Variants in PXDNL observed in about 807,000 individuals in gnomAD.
PXDNL encodes probable oxidoreductase PXDNL.
Under a neutral mutation model 150.8 loss-of-function variants are expected in PXDNL, and 145 were observed. The ratio of observed to expected loss-of-function variants is 0.96; its 90% CI spans 0.84 to 1.10. The LOEUF is 1.10. Among genes scored for constraint, PXDNL ranks in the 50% least tolerant of loss-of-function variants. The pLI, the probability that PXDNL is intolerant of heterozygous loss-of-function variation, is 0.00. For missense variants in PXDNL, 2,087 were observed against 1,873.9 expected, an observed-to-expected ratio of 1.11 and a Z score of -2.10; for synonymous variants, 757 against 725.7, an observed-to-expected ratio of 1.04 and a Z score of -0.69.
chr8:51,356,862 T>C (rs2130737227), intron 19 of PXDNL, among the ~76,000 whole-genome samples: 1 of 152,330 alleles, frequency 6.6e-6, no homozygotes. Context: ...TGGTTCCTTA[T>C]CTTTTCTTAA....
At chr8:51,438,594 A>C (rs1809464701) in intron 12 of PXDNL, among the ~76,000 whole-genome samples, 1 of 152,202 alleles carries the variant, frequency 6.6e-6, no homozygotes, top group South Asian at 2.1e-4. Context: ...GGGTGCCTAT[A>C]GTCCCAGCTA....
chr8:51,426,215 A>C (rs760341108), intron 13 of PXDNL, among the ~76,000 whole-genome samples: 1 of 152,204 alleles, frequency 6.6e-6, no homozygotes, highest in Non-Finnish European at 1.5e-5. Context: ...TCAGGTTTTG[A>C]AACTTCAGAA....
chr8:51,809,306 GAGAA>G lies in PXDNL; in HGVS notation c.35_38del (p.Phe12SerfsTer28), dbSNP rs1563327660. The G allele has an allele frequency of 1.9e-6, 3 of 1,575,202 alleles. No individual in the cohort carries two copies. Among genetic ancestry groups the G allele is most frequent in the Non-Finnish European group, 2.6e-6 (3 of 1,160,464 alleles). On this transcript the variant is annotated frameshift_variant, in exon 1 of 23. Transcript: ENST00000356297. LOFTEE classifies it high-confidence loss of function. ...ACCCTGGCAGGCACCACCCGGCCAG[GAGAA>G]AGAGAGTGGTCCAGCAGAACAGTCT...
At chr8:51,348,216 G>C (rs1008205537) in intron 19 of PXDNL, among the ~76,000 whole-genome samples, 1 of 152,136 alleles carries the variant, frequency 6.6e-6, no homozygotes, top group Non-Finnish European at 1.5e-5. Flanking sequence ...AGGCTCTGCA[G>C]ATAAACTCTC....
chr8:51,508,718 G>A (rs762231352), intron 4 of PXDNL, among the ~76,000 whole-genome samples: 64 of 152,054 alleles, frequency 4.2e-4, no homozygotes, highest in Admixed American at 1.5e-3. Flanking sequence ...AGCCCTCACC[G>A]CCGCCTTACA....
At chr8:51,516,334 C>T (rs1174057929) in intron 4 of PXDNL, among the ~76,000 whole-genome samples, 1 of 152,188 alleles carries the variant, frequency 6.6e-6, no homozygotes, top group Non-Finnish European at 1.5e-5. Flanking sequence ...TTCAAGTCAA[C>T]TCTAGAAAGA....
rs755487260 is a variant in PXDNL at position 51,345,827 on chromosome 8, AC to A, written c.4016+5del. The A allele has an allele frequency of 6.5e-7, 1 of 1,536,248 alleles. No individual in the cohort carries two copies. Among genetic ancestry groups the A allele is most frequent in the South Asian group, 1.1e-5 (1 of 89,102 alleles). On this transcript the variant is annotated splice_donor_5th_base_variant and intron_variant, in intron 20 of 22. Transcript: ENST00000356297. ...GCCTAAAGAAATGAGATATTTCTAT[AC>A]ATACCTACTTCTTAGATGACTTAAC... is the stretch of plus-strand genomic sequence containing the variant.
chr8:51,635,074 T>C (rs934725409), intron 2 of PXDNL, among the ~76,000 whole-genome samples: 15 of 152,114 alleles, frequency 9.9e-5, no homozygotes, highest in Non-Finnish European at 2.2e-4. Context: ...GGGGAATGCT[T>C]CCAGCTTTTG....
chr8:51,546,034 C>T (rs970365226), intron 4 of PXDNL, among the ~76,000 whole-genome samples: 2 of 152,160 alleles, frequency 1.3e-5, no homozygotes, highest in Non-Finnish European at 2.9e-5. Flanking sequence ...TTTGGACAGA[C>T]AGAACAGCAT....
intron 17 of PXDNL, among the ~76,000 whole-genome samples, chr8:51,396,387 G>A (rs903189756): frequency 9.2e-5 from 14 of 152,212 alleles, no homozygotes; most frequent in Admixed American, 5.2e-4. Flanking sequence ...AGTGCAGAGC[G>A]CCTGTGTCTC....
At chr8:51,360,932 T>G (rs777355607) in intron 19 of PXDNL, among the ~76,000 whole-genome samples, 14 of 152,244 alleles carry the variant, frequency 9.2e-5, no homozygotes, top group Admixed American at 4.6e-4. Context: ...GTCTTCTTAA[T>G]TCACAAATCA....
chr8:51,382,299 C>T (rs1299342849), intron 17 of PXDNL, among the ~76,000 whole-genome samples: 1 of 142,250 alleles, frequency 7.0e-6, no homozygotes, highest in African/African-American at 2.6e-5. Flanking sequence ...TTCTCTCCTC[C>T]AAGGTCCTGA....
intron 19 of PXDNL, 26 bp downstream of exon 19, chr8:51,371,847 A>G (rs749591012): frequency 1.3e-6 from 2 of 1,563,028 alleles, no homozygotes; most frequent in Non-Finnish European, 1.8e-6. Context: ...ATCAATCCAG[A>G]TCGTGCTCAT....
At chr8:51,576,209 A>AC (rs1813050004) in intron 3 of PXDNL, among the ~76,000 whole-genome samples, 2 of 151,020 alleles carry the variant, frequency 1.3e-5, no homozygotes, top group African/African-American at 4.9e-5. Context: ...AAAAAAAAAA[A>AC]AAAAACAAAC....
intron 4 of PXDNL, among the ~76,000 whole-genome samples, chr8:51,506,300 T>C (rs1450962722): frequency 6.6e-6 from 1 of 152,104 alleles, no homozygotes; most frequent in Non-Finnish European, 1.5e-5. Context: ...CCCAGCACTT[T>C]GGGAGGCCAA....
rs1810660794 is a variant in PXDNL at position 51,483,817 on chromosome 8, T to G, written c.453-103A>C. Reference sequence around the variant, plus strand: ...TGTGAATCCAATACCTTTTTTGAAATATTTCAGTGAGAAAGGGCAAACAGA... The same window carrying G: ...TGTGAATCCAATACCTTTTTTGAAAGATTTCAGTGAGAAAGGGCAAACAGA... On this transcript the variant is annotated intron_variant, in intron 5 of 22. Coordinates refer to ENST00000356297, the MANE Select transcript of PXDNL (RefSeq NM_144651.5). The G allele has an allele frequency of 5.8e-6, 4 of 687,146 alleles. No individual in the cohort carries two copies. The South Asian group carries it at 7.3e-5, about 12-fold the overall frequency. The allele number at this position is 687,146 out of a possible 1,614,324, so 42.6% of individuals were successfully genotyped here. A position where few individuals can be genotyped will look rare whatever the true frequency, so the allele number is the denominator to read the frequency against.
At chr8:51,512,747 G>A (rs1811448747) in intron 4 of PXDNL, among the ~76,000 whole-genome samples, 2 of 152,290 alleles carry the variant, frequency 1.3e-5, no homozygotes, top group East Asian at 3.9e-4. Context: ...CTTGACCCTC[G>A]CTGGTGCCCA....
chr8:51,539,383 AG>A lies in PXDNL; in HGVS notation c.380+17456del, dbSNP rs559173485. Among the ~76,000 whole-genome samples, 608 of 152,086 alleles carry A rather than the reference AG, an allele frequency of 4.0e-3. 3 individuals are homozygous for A. Among genetic ancestry groups the A allele is most frequent in the African/African-American group, 0.014 (580 of 41,520 alleles). ...AACTCAATTTTCTAATATTTGGTTA[AG>A]GGATTTTGCTTTATTTTAATGAGAA... On this transcript the variant is annotated intron_variant, in intron 4 of 22. Transcript: ENST00000356297.
Position 51,408,513 on chromosome 8 carries a change from G to A in PXDNL, c.3111C>T (p.Asn1037=). 2 of 1,613,218 alleles carry A rather than the reference G, an allele frequency of 1.2e-6. No homozygotes were observed. The highest frequency in any genetic ancestry group is 1.3e-5 in the African/African-American group (1 of 75,062). ...TRMLRGYRGY[N]PNVNAGIINS... ...TAATGATGCCTGCATTCACGTTGGG[G>A]TTGTAGCCTCGGTAACCCCTCAGCA... Residue 1037 remains asparagine (N), a synonymous_variant, in exon 17 of 23, where the codon AAC becomes AAT. Transcript: ENST00000356297.
Sources: gnomAD v4.1 joint callset for allele counts (sites outside exome capture counted in the v4.1 genomes callset) on GRCh38, gnomAD v4.1.1 for gene constraint, MANE v1.5 for transcripts, NCBI Gene and HGNC (gene_info 2026-07-23, HGNC 2026-07-21) for gene names.